The following TASP1 variants were observed in gnomAD, a reference collection of about 807,000 sequenced individuals.
TASP1 encodes the protein threonine aspartase 1.
Under a neutral mutation model 56.6 loss-of-function variants are expected in TASP1, and 16 were observed. The observed-to-expected ratio is 0.28, with a 90% CI of 0.19 to 0.43. The LOEUF (loss-of-function observed/expected upper bound fraction) is 0.43. TASP1 is among the 20% of genes least tolerant of loss of function. The pLI is 1.00. For synonymous variants in TASP1, 179 were observed against 184.2 expected (o/e 0.97, Z 0.23); for missense variants, 393 against 511.6 (o/e 0.77, Z 2.24).
chr20:13,205,567 T>A, the TASP1 span, among the ~76,000 whole-genome samples: 1 of 148,724 alleles, frequency 6.7e-6, no homozygotes. Flanking sequence ...GTCATCTCCT[T>A]GTCTATCCTC....
chr20:13,438,232 T>C (rs1427212504), intron 11 of TASP1, among the ~76,000 whole-genome samples: 1 of 152,170 alleles, frequency 6.6e-6, no homozygotes, highest in African/African-American at 2.4e-5. Context: ...GCTGGAGGCA[T>C]CACGCTACCT....
the TASP1 span, among the ~76,000 whole-genome samples, chr20:13,259,618 G>A: frequency 6.6e-6 from 1 of 152,184 alleles, no homozygotes; most frequent in Non-Finnish European, 1.5e-5. Context: ...AAGTAAGTGT[G>A]TAAACATAAA....
intron 4 of TASP1, among the ~76,000 whole-genome samples, chr20:13,602,242 C>T (rs1057084026): frequency 6.6e-6 from 1 of 151,956 alleles, no homozygotes; most frequent in Non-Finnish European, 1.5e-5. Context: ...GGAAACTCCA[C>T]AAAACACTGG....
intron 6 of TASP1, among the ~76,000 whole-genome samples, chr20:13,579,526 G>A (rs1481608772): frequency 6.6e-6 from 1 of 151,972 alleles, no homozygotes; most frequent in Non-Finnish European, 1.5e-5. Context: ...ACCATACCCG[G>A]CTAATTTTTT....
chr20:13,573,676 C>T (rs2046796077), intron 6 of TASP1, among the ~76,000 whole-genome samples: 1 of 152,072 alleles, frequency 6.6e-6, no homozygotes, highest in Admixed American at 6.5e-5. Context: ...AGAGATTTTT[C>T]ACTTCTGGAC....
At chr20:13,458,285 G>A (rs1285113760) in intron 11 of TASP1, among the ~76,000 whole-genome samples, 1 of 152,130 alleles carries the variant, frequency 6.6e-6, no homozygotes, top group Non-Finnish European at 1.5e-5. Flanking sequence ...ACACCCTAAA[G>A]GAAGAAAAAG....
the TASP1 span, among the ~76,000 whole-genome samples, chr20:13,195,307 C>G: frequency 1.3e-5 from 2 of 152,308 alleles, no homozygotes; most frequent in South Asian, 4.1e-4. Context: ...TTGGCCTTCC[C>G]ATTCCTGTTT....
At chr20:13,391,069 TCA>T (rs1361170187) in intron 13 of TASP1, among the ~76,000 whole-genome samples, 1 of 152,186 alleles carries the variant, frequency 6.6e-6, no homozygotes, top group Non-Finnish European at 1.5e-5. Context: ...GCCCTGTCTC[TCA>T]GTTTCCTAGC....
intron 11 of TASP1, among the ~76,000 whole-genome samples, chr20:13,442,834 T>C (rs1272075015): frequency 1.3e-5 from 2 of 152,054 alleles, no homozygotes; most frequent in African/African-American, 4.8e-5. Flanking sequence ...ATATTTTTTG[T>C]GGAAAATACT....
chr20:13,424,606 T>C (rs936310120), intron 12 of TASP1, among the ~76,000 whole-genome samples: 1 of 152,060 alleles, frequency 6.6e-6, no homozygotes, highest in South Asian at 2.1e-4. Flanking sequence ...GCGCTGGCTA[T>C]AACAGTCTCG....
chr20:13,299,705 TG>T, the TASP1 span: 1 of 406,608 alleles, frequency 2.5e-6, no homozygotes, highest in Non-Finnish European at 4.4e-6. This position sits in a 1 kb window ranked among gnomAD's most constrained non-coding sequence, Gnocchi z 5.8. Flanking sequence ...GGCAGAAGGA[TG>T]GGGACAACTT....
the TASP1 span, among the ~76,000 whole-genome samples, chr20:13,169,344 G>A: frequency 6.6e-6 from 1 of 152,180 alleles, no homozygotes; most frequent in South Asian, 2.1e-4. Flanking sequence ...TACAAGTCAG[G>A]GCTCTAGAGA....
At chr20:13,216,950 A>C in the TASP1 span, among the ~76,000 whole-genome samples, 3 of 152,180 alleles carry the variant, frequency 2.0e-5, no homozygotes. Context: ...TCACGAGCAT[A>C]GGATACTGAG....
intron 5 of TASP1, among the ~76,000 whole-genome samples, chr20:13,585,778 C>T (rs2047280146): frequency 6.6e-6 from 1 of 152,112 alleles, no homozygotes; most frequent in African/African-American, 2.4e-5. Context: ...TAAACTGCAA[C>T]AATTACTTTT....
At chr20:13,205,590 G>A in the TASP1 span, among the ~76,000 whole-genome samples, 1 of 152,214 alleles carries the variant, frequency 6.6e-6, no homozygotes, top group South Asian at 2.1e-4. Flanking sequence ...GTGGTGGACA[G>A]CAGAGAGAGG....
the TASP1 span, among the ~76,000 whole-genome samples, chr20:13,371,696 T>C: frequency 6.6e-6 from 1 of 152,180 alleles, no homozygotes; most frequent in Non-Finnish European, 1.5e-5. Context: ...GTCTTGTATT[T>C]CCTTGTTGAT....
chr20:13,320,479 A>G, the TASP1 span, among the ~76,000 whole-genome samples: 7 of 152,260 alleles, frequency 4.6e-5, no homozygotes, highest in Non-Finnish European at 8.8e-5. Context: ...GAAAAGAAGT[A>G]TAGGACAGAT....
At chr20:13,474,850 T>C (rs1031317545) in intron 11 of TASP1, among the ~76,000 whole-genome samples, 15 of 152,230 alleles carry the variant, frequency 9.9e-5, no homozygotes, top group African/African-American at 3.6e-4. Flanking sequence ...GGGTGGTAAC[T>C]CACTGTGGTT....
At chr20:13,604,531 T>A in intron 4 of TASP1, among the ~76,000 whole-genome samples, 1 of 152,206 alleles carries the variant, frequency 6.6e-6, no homozygotes, top group East Asian at 1.9e-4. Flanking sequence ...ATAAACCTCT[T>A]TTCTTTATAA....
Sources: allele counts gnomAD v4.1 joint callset (sites outside exome capture counted in the v4.1 genomes callset), GRCh38; gene constraint gnomAD v4.1.1; non-coding constraint Gnocchi (gnomAD v3.1); transcripts MANE v1.5; gene names NCBI Gene and HGNC (gene_info 2026-07-23, HGNC 2026-07-21).